The following PLCB4 variants were observed in gnomAD, a reference collection of about 807,000 sequenced individuals.
PLCB4 encodes phospholipase C beta 4, also known as 1-phosphatidylinositol 4,5-bisphosphate phosphodiesterase beta-4.
PLCB4 carries 77 observed loss-of-function variants against 178.8 expected under a neutral mutation model. That is an observed-to-expected ratio of 0.43 (90% CI 0.36 to 0.52). The LOEUF (loss-of-function observed/expected upper bound fraction) is 0.52, where lower values mean the gene tolerates loss of function less well. PLCB4 is among the 20% of genes least tolerant of loss of function. The pLI is 0.00. For missense variants in PLCB4, 1,024 were observed against 1,453.4 expected, an observed-to-expected ratio of 0.70 and a Z score of 4.80; for synonymous variants, 496 against 490.8, an observed-to-expected ratio of 1.01 and a Z score of -0.14.
At chr20:9,437,419 A>G (rs754762092) in intron 30 of PLCB4, among the ~76,000 whole-genome samples, 10 of 152,234 alleles carry the variant, frequency 6.6e-5, no homozygotes, top group Non-Finnish European at 1.0e-4. Flanking sequence ...TCATAAGTAG[A>G]AACATGATTA....
intron 1 of PLCB4, among the ~76,000 whole-genome samples, chr20:9,077,692 C>A (rs1364749033): frequency 2.6e-5 from 4 of 152,092 alleles, no homozygotes; most frequent in Non-Finnish European, 5.9e-5. Context: ...AACTCTAGAC[C>A]CTTCCCAGCA....
intron 3 of PLCB4, among the ~76,000 whole-genome samples, chr20:9,250,037 G>T (rs938054513): frequency 6.6e-6 from 1 of 152,190 alleles, no homozygotes; most frequent in Non-Finnish European, 1.5e-5. Flanking sequence ...ACTCATAAGA[G>T]AATAGTGTCT....
chr20:9,111,188 G>A (rs73609420), intron 2 of PLCB4, among the ~76,000 whole-genome samples: 3,339 of 152,180 alleles, frequency 0.022, 113 homozygotes, highest in African/African-American at 0.074. Context: ...TCTCTACTTG[G>A]GAAGGTACAT....
intron 3 of PLCB4, among the ~76,000 whole-genome samples, chr20:9,289,396 A>G (rs902576418): frequency 1.3e-5 from 2 of 152,108 alleles, no homozygotes; most frequent in African/African-American, 4.8e-5. Flanking sequence ...TTTAAAGTGA[A>G]TAATGATTTT....
chr20:9,291,818 T>C (rs556104859), intron 3 of PLCB4, among the ~76,000 whole-genome samples: 182 of 152,328 alleles, frequency 1.2e-3, no homozygotes, highest in Non-Finnish European at 2.0e-3. Context: ...ATATGAAGAC[T>C]GTTGATTTCG....
chr20:9,111,942 G>A (rs767533517), intron 2 of PLCB4, among the ~76,000 whole-genome samples: 40 of 152,084 alleles, frequency 2.6e-4, no homozygotes, highest in African/African-American at 8.7e-4. Flanking sequence ...GTCCACTAGT[G>A]GAAGTATTAC....
At chr20:9,115,368 T>G (rs868599230) in intron 2 of PLCB4, among the ~76,000 whole-genome samples, 2 of 152,146 alleles carry the variant, frequency 1.3e-5, no homozygotes, top group Middle Eastern at 3.4e-3. Context: ...CCCTATATAT[T>G]ATTTAATAAT....
At position 9,140,546 on chromosome 20, in the gene PLCB4, G is replaced by T. The variant is rs182372767; in HGVS notation, c.-79+44204G>T. On this transcript the variant is annotated intron_variant, in intron 2 of 39. Coordinates refer to ENST00000378473, the MANE Select transcript of PLCB4 (RefSeq NM_001377142.1). ...ATATGATCCCGAATGTTGGAGGGGG[G>T]GCCTGGTGGGAGGTATTTGGGTCAT... 4.0e-4 allele frequency among the ~76,000 whole-genome samples: 60 copies of T among 151,824 alleles called. 1 individual carries two copies. Among genetic ancestry groups the T allele is most frequent in the Non-Finnish European group, 7.7e-4 (52 of 67,932 alleles).
At chr20:9,445,345 T>C (rs181752526) in intron 32 of PLCB4, among the ~76,000 whole-genome samples, 1 of 152,356 alleles carries the variant, frequency 6.6e-6, no homozygotes, top group Non-Finnish European at 1.5e-5. Context: ...TAAACTAATC[T>C]TGCATTCCTG....
chr20:9,329,470 T>G (rs1246472030), intron 4 of PLCB4, among the ~76,000 whole-genome samples: 1 of 152,182 alleles, frequency 6.6e-6, no homozygotes, highest in Non-Finnish European at 1.5e-5. Flanking sequence ...GGAAGCACTG[T>G]GTATGTTACC....
intron 30 of PLCB4, among the ~76,000 whole-genome samples, chr20:9,440,437 GA>G (rs2042037488): frequency 6.6e-6 from 1 of 152,294 alleles, no homozygotes; most frequent in Non-Finnish European, 1.5e-5. Context: ...CCTAGCTTAG[GA>G]AAAGATCAAA....
chr20:9,419,071 G>T (rs530099166), intron 25 of PLCB4, among the ~76,000 whole-genome samples: 64 of 151,014 alleles, frequency 4.2e-4, no homozygotes, highest in African/African-American at 1.6e-3. Context: ...ATTCCTTAGA[G>T]TTTTTTTTTA....
At chr20:9,102,744 G>A (rs898117688) in intron 2 of PLCB4, among the ~76,000 whole-genome samples, 1 of 152,050 alleles carries the variant, frequency 6.6e-6, no homozygotes, top group Non-Finnish European at 1.5e-5. Flanking sequence ...CATATTTGGG[G>A]GGGGGCTATA....
intron 2 of PLCB4, among the ~76,000 whole-genome samples, chr20:9,117,354 G>T (rs1425305973): frequency 6.6e-6 from 1 of 152,116 alleles, no homozygotes; most frequent in Middle Eastern, 3.2e-3. Flanking sequence ...TTGCCAAATT[G>T]CTTTGTAGAA....
intron 1 of PLCB4, among the ~76,000 whole-genome samples, chr20:9,093,685 A>G (rs767293329): frequency 4.6e-5 from 7 of 151,210 alleles, no homozygotes. Context: ...GATGTGGGGT[A>G]GGCACAGCTT....
chr20:9,337,311 T>C, intron 5 of PLCB4, 105 bp downstream of exon 5: 2 of 777,010 alleles, frequency 2.6e-6, no homozygotes, highest in Non-Finnish European at 2.3e-6. Context: ...CCCTTATTCA[T>C]TCATTCAAGA....
intron 2 of PLCB4, among the ~76,000 whole-genome samples, chr20:9,102,987 A>G (rs1462631538): frequency 1.3e-5 from 2 of 151,004 alleles, no homozygotes; most frequent in African/African-American, 4.9e-5. Flanking sequence ...ACTCACTCCT[A>G]CTGCCTTTGT....
At chr20:9,187,469 C>T (rs772101711) in intron 2 of PLCB4, among the ~76,000 whole-genome samples, 30 of 152,188 alleles carry the variant, frequency 2.0e-4, no homozygotes, top group Non-Finnish European at 4.0e-4. Flanking sequence ...TGCTTCATTT[C>T]AAGGACATAA....
chr20:9,147,040 A>G (rs375811814), intron 2 of PLCB4, among the ~76,000 whole-genome samples: 16 of 152,298 alleles, frequency 1.1e-4, no homozygotes, highest in African/African-American at 3.8e-4. Flanking sequence ...AGAGTCCACT[A>G]ATCATCTTGT....
Sources: allele counts gnomAD v4.1 joint callset (sites outside exome capture counted in the v4.1 genomes callset), GRCh38; gene constraint gnomAD v4.1.1; transcripts MANE v1.5; gene names NCBI Gene and HGNC (gene_info 2026-07-23, HGNC 2026-07-21).